Variants in SKIDA1 observed in about 807,000 individuals in gnomAD.
SKIDA1 encodes SKI/DACH domain containing 1, also known as SKI/DACH domain-containing protein 1.
A neutral mutation model predicts 51.4 loss-of-function variants in SKIDA1; 18 were observed. The observed-to-expected ratio is 0.35, with a 90% confidence interval of 0.24 to 0.52. The LOEUF (loss-of-function observed/expected upper bound fraction) is 0.52. Among genes scored for constraint, SKIDA1 ranks in the 20% least tolerant of loss-of-function variants. The pLI is 0.95. For missense variants in SKIDA1, 1,104 were observed against 1,180.6 expected (o/e 0.94, Z 0.95); for synonymous variants, 579 against 500.5 (o/e 1.16, Z -2.09).
chr10:21,515,351 T>C lies in SKIDA1; in HGVS notation c.2472A>G (p.Thr824=). 2.5e-6 allele frequency: 4 copies of C among 1,614,074 alleles called. No individual in the cohort carries two copies. Among genetic ancestry groups the C allele is most frequent in the Non-Finnish European group, 1.7e-6 (2 of 1,179,908 alleles). The change falls in exon 4 of 4, where the codon ACA becomes ACG. Residue 824 remains threonine, a synonymous_variant. Transcript: ENST00000449193. ...ETNEGTLDDF[T]VINRRKKVAS... ...CTACCTTTTTGCGTCTGTTTATAAC[T>C]GTAAAATCATCCAGTGTTCCTTCAT...
Position 21,517,383 on chromosome 10 carries a change from C to T in SKIDA1, c.440G>A (p.Arg147Gln). Residue 147 changes from arginine (R) to glutamine (Q), a missense_variant, in exon 4 of 4, where the codon CGG (arginine) becomes CAG (glutamine). This residue lies in a region of SKIDA1 where 938 missense variants were observed against 886.4 expected (regional missense o/e 1.06). Transcript: ENST00000449193. The surrounding 1 kb of genome is among the most constrained non-coding windows in gnomAD (Gnocchi z 6.9). Reference sequence around the variant, plus strand: ...GGACTGCGCGCTGATTGGCAGGGGCCGCGCGGCTCCGCTCAGGCCCCGCCA... The same window carrying T: ...GGACTGCGCGCTGATTGGCAGGGGCTGCGCGGCTCCGCTCAGGCCCCGCCA... ...QLWRGLSGAARPLPISAQSQR... is the reference protein window; with the variant it reads ...QLWRGLSGAAQPLPISAQSQR... 7.1e-7 allele frequency: 1 copy of T among 1,411,540 alleles called. No individual in the cohort carries two copies. Among genetic ancestry groups the T allele is most frequent in the Non-Finnish European group, 9.2e-7 (1 of 1,090,282 alleles). 87.4% of individuals were successfully genotyped at this position (1,411,540 alleles called of 1,614,324 possible).
Position 21,515,957 on chromosome 10 carries a change from ATTT to A in SKIDA1, c.1863_1865del (p.Leu621_Asn622delinsPhe). 6.2e-7 allele frequency: 1 copy of A among 1,613,960 alleles called. No individual in the cohort carries two copies. The highest frequency in any genetic ancestry group is 8.5e-7 in the Non-Finnish European group (1 of 1,179,846). ...TTGCTTCTGCTCCTGAAGAATCATT[ATTT>A]AAGAACCTAGCAGCTATTGTGTTGT... On this transcript the variant is annotated inframe_deletion, in exon 4 of 4. Coordinates refer to ENST00000449193, the MANE Select transcript of SKIDA1 (RefSeq NM_207371.4).
At position 21,516,264 on chromosome 10, in the gene SKIDA1, C is replaced by T; in HGVS notation, c.1559G>A (p.Trp520Ter). 1 of 1,613,988 alleles carries T rather than the reference C, an allele frequency of 6.2e-7. No individual in the cohort carries two copies. The highest frequency in any genetic ancestry group is 8.5e-7 in the Non-Finnish European group (1 of 1,179,900). ...TTTGGGGGCCCAGCTCTGCAGATTC[C>T]ACTCCGCCGGCGACTCCGCTTTGAC... ...SSVKAESPAE[W>*]NLQSWAPKAS... Residue 520 changes from tryptophan (W) to a stop codon, truncating the protein, a stop_gained, in exon 4 of 4, where the codon TGG (tryptophan) becomes TAG (stop). Coordinates refer to ENST00000449193, the MANE Select transcript of SKIDA1 (RefSeq NM_207371.4). LOFTEE classifies it high-confidence loss of function. The surrounding 1 kb of genome is among the most constrained non-coding windows in gnomAD (Gnocchi z 5.7).
Position 21,516,984 on chromosome 10 carries a change from T to A in SKIDA1, c.839A>T (p.Asp280Val), listed in dbSNP as rs1477748661. ...GCCGGCGTGAGGCGCGAGCAGGCAG[T>A]CCTTGGCGCCGCCGCGCTTGCGCTT... ...RCKRKRGGAKDCLLAPHAGAR... is the reference protein window; with the variant it reads ...RCKRKRGGAKVCLLAPHAGAR... Residue 280 changes from aspartate (D) to valine (V), a missense_variant, in exon 4 of 4, where the codon GAC becomes GTC. Asp to Val is a radical substitution (Grantham distance 152). Around this residue, in one of 3 missense-constraint regions of SKIDA1, gnomAD observed 938 missense variants for 886.4 expected, o/e 1.06. Coordinates refer to ENST00000449193, the MANE Select transcript of SKIDA1 (RefSeq NM_207371.4). The surrounding 1 kb of genome is among the most constrained non-coding windows in gnomAD (Gnocchi z 5.7). The A allele has an allele frequency of 2.6e-6, 3 of 1,144,996 alleles. No individual in the cohort carries two copies. Among genetic ancestry groups the A allele is most frequent in the Non-Finnish European group, 3.2e-6 (3 of 930,824 alleles). The allele number at this position is 1,144,996 out of a possible 1,614,324, so 70.9% of individuals were successfully genotyped here.
Position 21,514,745 on chromosome 10 carries a change from C to A in SKIDA1, c.*351G>T. On this transcript the variant is annotated 3_prime_UTR_variant, in exon 4 of 4. Transcript: ENST00000449193. ...CTCATTGTAATATTTATTATTCAAC[C>A]TTTTGACATTTATTTGTAGCAGTTG... The A allele has an allele frequency of 5.6e-6, 1 of 179,764 alleles. No homozygotes were observed. The highest frequency in any genetic ancestry group is 1.2e-5 in the Non-Finnish European group (1 of 85,710). 11.1% of individuals were successfully genotyped at this position (179,764 alleles called of 1,614,324 possible). A position where few individuals can be genotyped will look rare whatever the true frequency, so the allele number is the denominator to read the frequency against.
chr10:21,520,461 C>G (rs1260844536), intron 3 of SKIDA1, among the ~76,000 whole-genome samples: 1 of 50,550 alleles, frequency 2.0e-5, no homozygotes, highest in African/African-American at 1.2e-4. Flanking sequence ...ACTGCCAGCC[C>G]TCGCCCTCCC....
Position 21,516,969 on chromosome 10 carries a change from G to C in SKIDA1, c.854C>G (p.Pro285Arg). Residue 285 changes from proline to arginine, a missense_variant, in exon 4 of 4, where the codon CCT becomes CGT. Physicochemically the swap from Pro to Arg is moderately radical, Grantham distance 103. Coordinates refer to ENST00000449193, the MANE Select transcript of SKIDA1 (RefSeq NM_207371.4). The surrounding 1 kb of genome is among the most constrained non-coding windows in gnomAD (Gnocchi z 5.7). ...CAGCAGGCGCCGCGCGCCGGCGTGAGGCGCGAGCAGGCAGTCCTTGGCGCC... is the reference window on the plus strand; with the variant it reads ...CAGCAGGCGCCGCGCGCCGGCGTGACGCGCGAGCAGGCAGTCCTTGGCGCC... Reference protein sequence around the residue: ...RGGAKDCLLAPHAGARRLLLL... With the variant: ...RGGAKDCLLARHAGARRLLLL... 1 of 1,186,392 alleles carries C rather than the reference G, an allele frequency of 8.4e-7. No individual in the cohort carries two copies. The highest frequency in any genetic ancestry group is 1.0e-6 in the Non-Finnish European group (1 of 953,674). The allele number at this position is 1,186,392 out of a possible 1,614,324, so 73.5% of individuals were successfully genotyped here.
Position 21,516,195 on chromosome 10 carries a change from G to C in SKIDA1, c.1628C>G (p.Ala543Gly), listed in dbSNP as rs761181030. 4 of 1,614,008 alleles carry C rather than the reference G, an allele frequency of 2.5e-6. No individual in the cohort carries two copies. The highest frequency in any genetic ancestry group is 2.2e-5 in the East Asian group (1 of 44,884). ...YCPASLGSCF[A>G]EIRNDRVSEI... ...AGATACCCTATCGTTCCTTATCTCA[G>C]CGAAACAACTCCCCAGGCTGGCCGG... The change falls in exon 4 of 4, where the codon GCT becomes GGT. Residue 543 changes from alanine (A) to glycine (G), a missense_variant. Coordinates refer to ENST00000449193, the MANE Select transcript of SKIDA1 (RefSeq NM_207371.4). This position sits in a 1 kb window ranked among gnomAD's most constrained non-coding sequence, Gnocchi z 5.7.
intron 2 of SKIDA1, among the ~76,000 whole-genome samples, chr10:21,523,439 C>T (rs1488220969): frequency 1.3e-5 from 2 of 152,176 alleles, no homozygotes; most frequent in Non-Finnish European, 2.9e-5. Flanking sequence ...CTACTGCAAC[C>T]GCCTTTCCCC....
chr10:21,525,266 G>C (rs2032663667), intron 1 of SKIDA1, among the ~76,000 whole-genome samples: 1 of 152,206 alleles, frequency 6.6e-6, no homozygotes, highest in East Asian at 1.9e-4. Context: ...CAAGTATCAC[G>C]TTACTGTTTG....
Position 21,516,445 on chromosome 10 carries a change from A to G in SKIDA1, c.1378T>C (p.Ser460Pro). The G allele has an allele frequency of 6.2e-7, 1 of 1,612,820 alleles. No homozygotes were observed. The highest frequency in any genetic ancestry group is 8.5e-7 in the Non-Finnish European group (1 of 1,179,800). ...CGCCTGAATCGGATGCTCTGCACTG[A>G]CACTTGGCTGGAGCCGGAGCTGGAG... ...SDSSSGSSQV[S>P]VQSIRFRRTS... The change falls in exon 4 of 4, where the codon TCA becomes CCA. Residue 460 changes from serine to proline, a missense_variant. Around this residue, in one of 3 missense-constraint regions of SKIDA1, gnomAD observed 938 missense variants for 886.4 expected, o/e 1.06. Coordinates refer to ENST00000449193, the MANE Select transcript of SKIDA1 (RefSeq NM_207371.4). The surrounding 1 kb of genome is among the most constrained non-coding windows in gnomAD (Gnocchi z 5.7).
chr10:21,520,333 G>T (rs1025514755), intron 3 of SKIDA1, among the ~76,000 whole-genome samples: 1 of 152,180 alleles, frequency 6.6e-6, no homozygotes, highest in Non-Finnish European at 1.5e-5. Flanking sequence ...GGCAGAAAGC[G>T]AAGTTTCCAG....
rs749937295 is a variant in SKIDA1, at chr10:21,517,252, G to T, written c.571C>A (p.Pro191Thr). ...YPEIVRSPCK[P>T]PLNYETAPLQ... ...GGGGCAGTTTCATAGTTTAGAGGGG[G>T]TTTGCACGGCGAGCGCACGATCTCC... The change falls in exon 4 of 4, where the codon CCC becomes ACC. Residue 191 changes from proline to threonine, a missense_variant. Physicochemically the swap from Pro to Thr is conservative, Grantham distance 38. Transcript: ENST00000449193. The surrounding 1 kb of genome is among the most constrained non-coding windows in gnomAD (Gnocchi z 6.9). 37 of 1,475,280 alleles carry T rather than the reference G, an allele frequency of 2.5e-5. No homozygotes were observed. The highest frequency in any genetic ancestry group is 1.8e-4 in the East Asian group (6 of 32,930). 91.4% of individuals were successfully genotyped at this position (1,475,280 alleles called of 1,614,324 possible). A position where few individuals can be genotyped will look rare whatever the true frequency, so the allele number is the denominator to read the frequency against.
At position 21,522,266 on chromosome 10, in the gene SKIDA1, A is replaced by ACCCCCCCCCCCCCCCCCCCCC. The variant is rs71393906; in HGVS notation, c.-1928-807_-1928-787dup. On this transcript the variant is annotated intron_variant, in intron 2 of 3. Coordinates refer to ENST00000449193, the MANE Select transcript of SKIDA1 (RefSeq NM_207371.4). ...CATAATTTAAATGAGGATCACAGCC[A>ACCCCCCCCCCCCCCCCCCCCC]CCCCCCCCCCCCCCCCCCCCCCCCC... 8.5e-4 allele frequency among the ~76,000 whole-genome samples: 26 copies of ACCCCCCCCCCCCCCCCCCCCC among 30,444 alleles called. 9 individuals are homozygous for ACCCCCCCCCCCCCCCCCCCCC. Among genetic ancestry groups the ACCCCCCCCCCCCCCCCCCCCC allele is most frequent in the Non-Finnish European group, 9.1e-4 (15 of 16,492 alleles). 20.0% of individuals were successfully genotyped at this position (30,444 alleles called of 152,430 possible). A position where few individuals can be genotyped will look rare whatever the true frequency, so the allele number is the denominator to read the frequency against.
intron 1 of SKIDA1, among the ~76,000 whole-genome samples, chr10:21,524,969 C>A (rs2032626261): frequency 6.6e-6 from 1 of 152,142 alleles, no homozygotes; most frequent in Non-Finnish European, 1.5e-5. Flanking sequence ...AGTTGAGAGG[C>A]AGATATAGAC....
chr10:21,522,803 A>G (rs999793364), intron 2 of SKIDA1, among the ~76,000 whole-genome samples: 68 of 152,272 alleles, frequency 4.5e-4, no homozygotes, highest in African/African-American at 1.6e-3. Context: ...TTGTCTACTG[A>G]CCCATAATCA....
chr10:21,513,795 G>C lies in SKIDA1; in HGVS notation c.*1301C>G, dbSNP rs994402199. 4 of 152,152 alleles carry C rather than the reference G, an allele frequency of 2.6e-5. No individual in the cohort carries two copies. The highest frequency in any genetic ancestry group is 5.9e-5 in the Non-Finnish European group (4 of 68,006). The allele number at this position is 152,152 out of a possible 1,614,324, so 9.4% of individuals were successfully genotyped here. ...AGTGCCTGAGTTCTGGTACCAAAAA[G>C]CCCTGAAAAAACTGTTATTTTTCAT... On this transcript the variant is annotated 3_prime_UTR_variant, in exon 4 of 4. Coordinates refer to ENST00000449193, the MANE Select transcript of SKIDA1 (RefSeq NM_207371.4).
Position 21,517,986 on chromosome 10 carries a change from T to G in SKIDA1, c.-164A>C. ...TCCCGGCGAAGGAAGTGCCAAACTC[T>G]AGGCGAAATTATTGGGGGGGGGGAA... On this transcript the variant is annotated 5_prime_UTR_variant, in exon 4 of 4. Transcript: ENST00000449193. This position sits in a 1 kb window ranked among gnomAD's most constrained non-coding sequence, Gnocchi z 6.9. The G allele has an allele frequency of 1.7e-5, 9 of 543,810 alleles. No individual in the cohort carries two copies. Among genetic ancestry groups the G allele is most frequent in the Middle Eastern group, 4.8e-4 (1 of 2,100 alleles). The allele number at this position is 543,810 out of a possible 1,614,324, so 33.7% of individuals were successfully genotyped here.
chr10:21,515,378 T>C lies in SKIDA1; in HGVS notation c.2445A>G (p.Thr815=). 6.2e-7 allele frequency: 1 copy of C among 1,614,078 alleles called. No individual in the cohort carries two copies. The highest frequency in any genetic ancestry group is 2.2e-5 in the East Asian group (1 of 44,890). ...RSPRPTGKTE[T]NEGTLDDFTV... ...TAAAATCATCCAGTGTTCCTTCATT[T>C]GTCTCAGTTTTACCTGTAGGACGAG... is the stretch of plus-strand genomic sequence containing the variant. The change falls in exon 4 of 4, where the codon ACA becomes ACG. Residue 815 remains threonine, a synonymous_variant. Coordinates refer to ENST00000449193, the MANE Select transcript of SKIDA1 (RefSeq NM_207371.4).
Sources: gnomAD v4.1 joint callset for allele counts (sites outside exome capture counted in the v4.1 genomes callset) on GRCh38, gnomAD v4.1.1 for gene constraint, gnomAD v4.1.1 regional missense constraint, Gnocchi (gnomAD v3.1) non-coding constraint, MANE v1.5 for transcripts, NCBI Gene and HGNC (gene_info 2026-07-23, HGNC 2026-07-21) for gene names.